NELL1: variants seen among roughly 807,000 people sequenced by gnomAD.
The protein encoded by NELL1 is protein kinase C-binding protein NELL1.
NELL1 carries 76 observed loss-of-function variants against 107.4 expected under a neutral mutation model. That is an observed-to-expected ratio of 0.71 (90% confidence interval 0.59 to 0.86). The LOEUF is 0.86. NELL1 is among the 40% of genes least tolerant of loss of function. The pLI is 0.00. For synonymous variants in NELL1, 353 were observed against 341.2 expected, an observed-to-expected ratio of 1.03 and a Z score of -0.38; for missense variants, 1,024 against 1,005.5, an observed-to-expected ratio of 1.02 and a Z score of -0.25.
chr11:21,485,361 C>G (rs958451984), intron 15 of NELL1, among the ~76,000 whole-genome samples: 1 of 152,100 alleles, frequency 6.6e-6, no homozygotes, highest in Non-Finnish European at 1.5e-5. Context: ...TCACAGGCCC[C>G]ATAGCTGTCT....
chr11:21,480,636 A>G lies in NELL1; in HGVS notation c.1646-53738A>G, dbSNP rs191615584. ...TGAAAACTAACTGGATTTTTCTTCA[A>G]TGAATGTTTGATTTAAGCTCCTCTG... On this transcript the variant is annotated intron_variant, in intron 15 of 19. Coordinates refer to ENST00000357134, the MANE Select transcript of NELL1 (RefSeq NM_006157.5). 7.4e-4 allele frequency among the ~76,000 whole-genome samples: 113 copies of G among 152,240 alleles called. 2 individuals are homozygous for G. The highest frequency in any genetic ancestry group is 2.6e-3 in the African/African-American group (110 of 41,538).
chr11:20,755,865 G>GTTTTTTGTTTTTTTTT (rs1856268061), intron 2 of NELL1, among the ~76,000 whole-genome samples: 1 of 122,070 alleles, frequency 8.2e-6, no homozygotes, highest in Non-Finnish European at 1.7e-5. Context: ...CAGACCTGCG[G>GTTTTTTGTTTTTTTTT]TTTTTTTTTT....
chr11:20,781,065 G>A (rs1856840803), intron 2 of NELL1, among the ~76,000 whole-genome samples: 2 of 152,154 alleles, frequency 1.3e-5, no homozygotes, highest in South Asian at 2.1e-4. Flanking sequence ...TGAAAAGAAG[G>A]CAGTATGGAA....
intron 12 of NELL1, among the ~76,000 whole-genome samples, chr11:21,007,257 A>C (rs1852346907): frequency 2.0e-5 from 3 of 152,134 alleles, no homozygotes; most frequent in Admixed American, 6.6e-5. Flanking sequence ...TTCTGAAATC[A>C]CTAGAACCTT....
At chr11:21,530,429 G>A (rs1434452530) in intron 15 of NELL1, among the ~76,000 whole-genome samples, 1 of 152,050 alleles carries the variant, frequency 6.6e-6, no homozygotes, top group African/African-American at 2.4e-5. Flanking sequence ...GCTTTCTCTA[G>A]GAAATTCACC....
intron 12 of NELL1, among the ~76,000 whole-genome samples, chr11:21,084,065 A>G (rs1404942400): frequency 6.6e-6 from 1 of 152,094 alleles, no homozygotes; most frequent in Non-Finnish European, 1.5e-5. Flanking sequence ...GAGCGTTCTC[A>G]TTGTAATTAC....
intron 3 of NELL1, among the ~76,000 whole-genome samples, chr11:20,825,361 G>A (rs1479033351): frequency 6.6e-6 from 1 of 151,154 alleles, no homozygotes; most frequent in African/African-American, 2.4e-5. Context: ...GACATCTTGT[G>A]CCATGAACCT....
intron 15 of NELL1, among the ~76,000 whole-genome samples, chr11:21,433,474 T>A (rs1590928723): frequency 6.6e-6 from 1 of 152,204 alleles, no homozygotes; most frequent in Admixed American, 6.5e-5. Context: ...ATAATGGCTG[T>A]ATTAATTTAC....
chr11:21,380,369 G>C (rs948555658), intron 15 of NELL1, among the ~76,000 whole-genome samples: 2 of 152,050 alleles, frequency 1.3e-5, no homozygotes, highest in Non-Finnish European at 2.9e-5. Flanking sequence ...AATATGGTTT[G>C]AAGAATTTCC....
intron 14 of NELL1, among the ~76,000 whole-genome samples, chr11:21,231,433 T>C (rs149155091): frequency 6.6e-6 from 1 of 152,296 alleles, no homozygotes; most frequent in South Asian, 2.1e-4. Flanking sequence ...AGTGCTCAGC[T>C]TTTTTAAAAG....
chr11:20,813,548 G>A (rs896320103), intron 3 of NELL1, among the ~76,000 whole-genome samples: 4 of 152,096 alleles, frequency 2.6e-5, no homozygotes, highest in Non-Finnish European at 5.9e-5. Context: ...TCTCAGCTTT[G>A]GGAATATGGA....
chr11:21,367,729 C>CT (rs201875228), intron 14 of NELL1, among the ~76,000 whole-genome samples: 2 of 151,944 alleles, frequency 1.3e-5, no homozygotes, highest in Non-Finnish European at 2.9e-5. Context: ...TCCTCAGCTG[C>CT]TTTTTTTCTT....
At chr11:20,883,195 G>C (rs1849442552) in intron 4 of NELL1, among the ~76,000 whole-genome samples, 1 of 152,168 alleles carries the variant, frequency 6.6e-6, no homozygotes, top group African/African-American at 2.4e-5. Flanking sequence ...TGTGGGGGCT[G>C]TATGACATGG....
chr11:21,443,544 A>AT (rs5790188), intron 15 of NELL1, among the ~76,000 whole-genome samples: 57,782 of 150,500 alleles, frequency 0.38, 11,172 homozygotes, highest in South Asian at 0.48. Context: ...CTTTGCTTTT[A>AT]TTTTTTTTTC....
chr11:21,148,328 A>T (rs1180472976), intron 13 of NELL1, among the ~76,000 whole-genome samples: 1 of 152,224 alleles, frequency 6.6e-6, no homozygotes, highest in Non-Finnish European at 1.5e-5. Context: ...CTGGCCCTGC[A>T]GTGATTTTAA....
At chr11:21,087,082 G>T (rs11025910) in intron 12 of NELL1, among the ~76,000 whole-genome samples, 3,049 of 152,170 alleles carry the variant, frequency 0.02, 66 homozygotes, top group South Asian at 0.13. Flanking sequence ...CTCGTGATCC[G>T]CACGCCTCGG....
chr11:21,181,133 C>G (rs1856818238), intron 13 of NELL1, among the ~76,000 whole-genome samples: 1 of 151,810 alleles, frequency 6.6e-6, no homozygotes, highest in Non-Finnish European at 1.5e-5. Flanking sequence ...CCTTTGAAAC[C>G]TAATTTATTT....
At chr11:20,834,242 T>G (rs1848489512) in intron 3 of NELL1, among the ~76,000 whole-genome samples, 1 of 152,164 alleles carries the variant, frequency 6.6e-6, no homozygotes, top group African/African-American at 2.4e-5. Flanking sequence ...CGATAGAACT[T>G]GCTGATGGTG....
chr11:21,508,463 A>G lies in NELL1; in HGVS notation c.1646-25911A>G, dbSNP rs112860329. 1.1e-3 allele frequency among the ~76,000 whole-genome samples: 171 copies of G among 152,318 alleles called. 1 individual carries two copies. The highest frequency in any genetic ancestry group is 3.9e-3 in the African/African-American group (161 of 41,592). ...AATGAGGAAATGTATATTGATATTT[A>G]CAAAACATTGCAGAAAATAAAAAGG... On this transcript the variant is annotated intron_variant, in intron 15 of 19. Coordinates refer to ENST00000357134, the MANE Select transcript of NELL1 (RefSeq NM_006157.5).
Sources: allele counts gnomAD v4.1 joint callset (sites outside exome capture counted in the v4.1 genomes callset), GRCh38; gene constraint gnomAD v4.1.1; transcripts MANE v1.5; gene names NCBI Gene and HGNC (gene_info 2026-07-23, HGNC 2026-07-21).